EDIL3: variants seen among roughly 807,000 people sequenced by gnomAD.
The protein encoded by EDIL3 is EGF like and discoidin domains 3.
EDIL3 carries 37 observed loss-of-function variants against 67.4 expected under a neutral mutation model. That is an observed-to-expected ratio of 0.55 (90% CI 0.42 to 0.72). EDIL3 has a LOEUF of 0.72. Among genes scored for constraint, EDIL3 ranks in the 30% least tolerant of loss-of-function variants. The pLI, the probability that EDIL3 is intolerant of heterozygous loss-of-function variation, is 0.00. For missense variants in EDIL3, 527 were observed against 586.3 expected (o/e 0.90, Z 1.04); for synonymous variants, 195 against 196.3 (o/e 0.99, Z 0.05).
chr5:84,011,452 A>C (rs1053756537), intron 9 of EDIL3, among the ~76,000 whole-genome samples: 3 of 152,180 alleles, frequency 2.0e-5, no homozygotes, highest in Admixed American at 6.5e-5. Flanking sequence ...ATTTTCTTAG[A>C]TGACCCTAAC....
intron 1 of EDIL3, among the ~76,000 whole-genome samples, chr5:84,298,774 A>T (rs1019595588): frequency 6.6e-6 from 1 of 152,036 alleles, no homozygotes; most frequent in African/African-American, 2.4e-5. Context: ...TCTCCTCTCA[A>T]ATTGAACAAA....
At chr5:84,159,707 T>G (rs557325996) in intron 4 of EDIL3, among the ~76,000 whole-genome samples, 1 of 152,062 alleles carries the variant, frequency 6.6e-6, no homozygotes, top group Non-Finnish European at 1.5e-5. Flanking sequence ...TAATGAGATA[T>G]GGTTACAATA....
At chr5:84,011,367 G>A (rs982222405) in intron 9 of EDIL3, among the ~76,000 whole-genome samples, 1 of 152,112 alleles carries the variant, frequency 6.6e-6, no homozygotes, top group Non-Finnish European at 1.5e-5. Flanking sequence ...TATACTGACT[G>A]TGCATTTCTT....
At chr5:84,337,090 CA>C (rs945634666) in intron 1 of EDIL3, among the ~76,000 whole-genome samples, 1 of 152,098 alleles carries the variant, frequency 6.6e-6, no homozygotes, top group Admixed American at 6.6e-5. Flanking sequence ...TGTGCTCCAC[CA>C]ACACATCCTG....
chr5:84,036,723 T>C (rs1312123636), intron 9 of EDIL3, among the ~76,000 whole-genome samples: 1 of 152,186 alleles, frequency 6.6e-6, no homozygotes, highest in Non-Finnish European at 1.5e-5. Context: ...CTTAGCTCTG[T>C]GAGAGAACTG....
chr5:84,371,319 G>GTATATATATATATATATATATA (rs71607709), intron 1 of EDIL3, among the ~76,000 whole-genome samples: 231 of 115,438 alleles, frequency 2.0e-3, no homozygotes, highest in Admixed American at 3.4e-3. Context: ...TAGATAAAAA[G>GTATATATATATATATATATATA]TATATATATA....
At chr5:84,277,515 T>G (rs1219810036) in intron 1 of EDIL3, among the ~76,000 whole-genome samples, 2 of 152,224 alleles carry the variant, frequency 1.3e-5, no homozygotes, top group African/African-American at 4.8e-5. Flanking sequence ...TTTGTAAAAA[T>G]CTTGCCATTT....
chr5:84,016,857 CTT>C (rs1209343027), intron 9 of EDIL3, among the ~76,000 whole-genome samples: 5 of 152,124 alleles, frequency 3.3e-5, no homozygotes, highest in Admixed American at 3.3e-4. Flanking sequence ...AGTGTAAAGT[CTT>C]TGTATAAAGA....
intron 1 of EDIL3, among the ~76,000 whole-genome samples, chr5:84,305,683 T>C (rs548396915): frequency 1.3e-5 from 2 of 152,158 alleles, no homozygotes; most frequent in East Asian, 3.9e-4. Flanking sequence ...ACGGAAACCA[T>C]CCTGGCCAAC....
At chr5:84,151,248 T>TAC (rs1224995322) in intron 4 of EDIL3, among the ~76,000 whole-genome samples, 6 of 145,824 alleles carry the variant, frequency 4.1e-5, no homozygotes, top group Non-Finnish European at 7.5e-5. Flanking sequence ...AAGAACTGCA[T>TAC]ACACACACAC....
chr5:84,132,806 A>G (rs576041805), intron 5 of EDIL3, among the ~76,000 whole-genome samples: 1 of 151,500 alleles, frequency 6.6e-6, no homozygotes, highest in South Asian at 2.1e-4. Flanking sequence ...AATTATCTAG[A>G]TTATTTTATT....
At chr5:84,132,293 AT>A (rs1747982991) in intron 5 of EDIL3, among the ~76,000 whole-genome samples, 1 of 101,312 alleles carries the variant, frequency 9.9e-6, no homozygotes, top group Non-Finnish European at 1.9e-5. Flanking sequence ...TATAGTATAT[AT>A]TTTATATATA....
chr5:84,011,081 G>A (rs942250672), intron 9 of EDIL3, among the ~76,000 whole-genome samples: 1 of 152,108 alleles, frequency 6.6e-6, no homozygotes, highest in Admixed American at 6.6e-5. Context: ...CTAAACCTCT[G>A]ACTATAGCAT....
intron 3 of EDIL3, among the ~76,000 whole-genome samples, chr5:84,229,523 C>G (rs954784345): frequency 2.6e-5 from 4 of 152,018 alleles, no homozygotes; most frequent in Admixed American, 2.6e-4. Flanking sequence ...TTTTATCATT[C>G]ATTCTCCTCA....
rs564848608 is a variant in EDIL3 at position 84,171,329 on chromosome 5, T to C, written c.355+9064A>G. 1.4e-4 allele frequency among the ~76,000 whole-genome samples: 21 copies of C among 152,324 alleles called. No individual in the cohort carries two copies. In the South Asian group the frequency reaches 1.5e-3, roughly 11 times the overall value. On this transcript the variant is annotated intron_variant, in intron 4 of 10. Coordinates refer to ENST00000296591, the MANE Select transcript of EDIL3 (RefSeq NM_005711.5). ...AGTATCACAAAAATCACAAACTTTGTGTCTATATTGGAATAGTGTCTTTGT... is the reference window on the plus strand; with the variant it reads ...AGTATCACAAAAATCACAAACTTTGCGTCTATATTGGAATAGTGTCTTTGT...
Position 83,941,698 on chromosome 5 carries a change from A to T in EDIL3, c.*1721T>A, listed in dbSNP as rs1175172201. 1.3e-5 allele frequency: 2 copies of T among 152,044 alleles called. No homozygotes were observed. Among genetic ancestry groups the T allele is most frequent in the Non-Finnish European group, 2.9e-5 (2 of 67,930 alleles). 9.4% of individuals were successfully genotyped at this position (152,044 alleles called of 1,614,324 possible). ...TGTTTTTGAAAGATGTTGAAAACTG[A>T]TCACCATTTCAGAGGCTTCAAATTC... On this transcript the variant is annotated 3_prime_UTR_variant, in exon 11 of 11. Coordinates refer to ENST00000296591, the MANE Select transcript of EDIL3 (RefSeq NM_005711.5).
At chr5:84,062,658 G>A (rs569242274) in intron 8 of EDIL3, among the ~76,000 whole-genome samples, 11 of 152,202 alleles carry the variant, frequency 7.2e-5, no homozygotes, top group African/African-American at 2.4e-4. Flanking sequence ...ATCTTCAAAA[G>A]TGTTTGAGAA....
intron 4 of EDIL3, among the ~76,000 whole-genome samples, chr5:84,153,097 A>G (rs1360137790): frequency 6.6e-6 from 1 of 152,088 alleles, no homozygotes; most frequent in African/African-American, 2.4e-5. Context: ...TATTCTGTTC[A>G]TTACCAATAG....
Position 84,066,479 on chromosome 5 carries a change from T to C in EDIL3, c.779A>G (p.Tyr260Cys), listed in dbSNP as rs376372944. 13 of 1,610,142 alleles carry C rather than the reference T, an allele frequency of 8.1e-6. No individual in the cohort carries two copies. Among genetic ancestry groups the C allele is most frequent in the African/African-American group, 4.0e-5 (3 of 74,710 alleles). Residue 260 changes from tyrosine (Y) to cysteine (C), a missense_variant, in exon 7 of 11, where the codon TAC becomes TGC. By Grantham distance (194) the Tyr-to-Cys change is radical. Around this residue, in one of 2 missense-constraint regions of EDIL3, gnomAD observed 494 missense variants for 522.5 expected, o/e 0.95. Coordinates refer to ENST00000296591, the MANE Select transcript of EDIL3 (RefSeq NM_005711.5). ...YSNDGKTWAM[Y>C]KVKGTNEDMV... Reference sequence around the variant, plus strand: ...GTCTTCATTGGTGCCTTTCACTTTGTACATTGCCCAAGTCTTTCCATCATT... The same window carrying C: ...GTCTTCATTGGTGCCTTTCACTTTGCACATTGCCCAAGTCTTTCCATCATT...
Sources: allele counts gnomAD v4.1 joint callset (sites outside exome capture counted in the v4.1 genomes callset), GRCh38; gene constraint gnomAD v4.1.1; regional missense constraint gnomAD v4.1.1; transcripts MANE v1.5; gene names NCBI Gene and HGNC (gene_info 2026-07-23, HGNC 2026-07-21).